Variants in GATA6 observed in about 807,000 individuals in gnomAD.
GATA6 encodes GATA binding protein 6, also known as transcription factor GATA-6.
Under a neutral mutation model 48.1 loss-of-function variants are expected in GATA6, and 11 were observed. The ratio of observed to expected loss-of-function variants is 0.23; its 90% CI spans 0.14 to 0.38. The LOEUF (loss-of-function observed/expected upper bound fraction) is 0.38, where lower values mean the gene tolerates loss of function less well. GATA6 is among the 10% of genes least tolerant of loss of function. GATA6 has a pLI of 1.00. For missense variants in GATA6, 795 were observed against 850.3 expected, an observed-to-expected ratio of 0.93 and a Z score of 0.81; for synonymous variants, 419 against 396.1, an observed-to-expected ratio of 1.06 and a Z score of -0.69.
chr18:22,171,372 C>T lies in GATA6; in HGVS notation c.228C>T (p.Arg76=), dbSNP rs2033041856. The change falls in exon 2 of 7, where the codon CGC becomes CGT. Residue 76 remains arginine (R), a synonymous_variant. Transcript: ENST00000269216. The surrounding 1 kb of genome is among the most constrained non-coding windows in gnomAD (Gnocchi z 7.1). ...DTEAAAGPPA[R]SLLLSSYASH... is the part of the protein sequence containing the mutation. Reference sequence around the variant, plus strand: ...AGGCGGCGGCCGGACCCCCGGCCCGCTCGCTGCTGCTCAGTTCCTACGCTT... The same window carrying T: ...AGGCGGCGGCCGGACCCCCGGCCCGTTCGCTGCTGCTCAGTTCCTACGCTT... 2 of 1,584,496 alleles carry T rather than the reference C, an allele frequency of 1.3e-6. No individual in the cohort carries two copies. Among genetic ancestry groups the T allele is most frequent in the African/African-American group, 1.3e-5 (1 of 74,628 alleles).
intron 2 of GATA6, among the ~76,000 whole-genome samples, chr18:22,174,121 G>A (rs2033091760): frequency 6.6e-6 from 1 of 152,248 alleles, no homozygotes; most frequent in South Asian, 2.1e-4. Flanking sequence ...AGATGGAGAG[G>A]CTGGGAATCT....
At chr18:22,178,515 CTAAT>C (rs2033155210) in intron 3 of GATA6, among the ~76,000 whole-genome samples, 1 of 152,158 alleles carries the variant, frequency 6.6e-6, no homozygotes, top group Non-Finnish European at 1.5e-5. Flanking sequence ...TTGTTATACT[CTAAT>C]TAGCAGGAAC....
chr18:22,176,740 C>T, intron 2 of GATA6: 2 of 547,154 alleles, frequency 3.7e-6, no homozygotes, highest in Non-Finnish European at 3.2e-6. Flanking sequence ...CTGGGGCGCT[C>T]CGGGTGTGCA....
chr18:22,177,239 C>G (rs1022450521), intron 3 of GATA6, 118 bp downstream of exon 3: 4 of 923,366 alleles, frequency 4.3e-6, no homozygotes, highest in Non-Finnish European at 6.2e-6. Context: ...CAGGTGCGGC[C>G]GCTGCGGTCC....
chr18:22,194,263 C>G (rs2033363316), intron 6 of GATA6, among the ~76,000 whole-genome samples: 1 of 152,212 alleles, frequency 6.6e-6, no homozygotes, highest in African/African-American at 2.4e-5. Context: ...AGTGCTAAGC[C>G]CAGGCTGGGT....
intron 6 of GATA6, among the ~76,000 whole-genome samples, chr18:22,186,620 A>T (rs2033265150): frequency 6.6e-6 from 1 of 152,132 alleles, no homozygotes; most frequent in Non-Finnish European, 1.5e-5. Context: ...ACAGGAGCTG[A>T]GTATTGTGGA....
intron 4 of GATA6, 31 bp downstream of exon 4, chr18:22,181,609 A>G: frequency 1.2e-6 from 2 of 1,613,012 alleles, no homozygotes; most frequent in Non-Finnish European, 1.7e-6. Context: ...ACTTGTATAT[A>G]CATTTAGTAT....
At chr18:22,180,074 A>C (rs760368549) in intron 3 of GATA6, 2 of 151,786 alleles carry the variant, frequency 1.3e-5, no homozygotes, top group Non-Finnish European at 2.9e-5. Flanking sequence ...GTAATTTTCA[A>C]CTTGGTTTGG....
intron 6 of GATA6, among the ~76,000 whole-genome samples, chr18:22,187,879 G>A (rs1257107319): frequency 6.6e-6 from 1 of 151,926 alleles, no homozygotes; most frequent in Non-Finnish European, 1.5e-5. Flanking sequence ...ATAAGACAAT[G>A]TCTGAGAACA....
At chr18:22,188,222 G>A (rs971210089) in intron 6 of GATA6, among the ~76,000 whole-genome samples, 1 of 152,130 alleles carries the variant, frequency 6.6e-6, no homozygotes. Flanking sequence ...TGCTTTACTG[G>A]TCTTTGTTCC....
At chr18:22,197,727 C>T (rs543771318) in intron 6 of GATA6, among the ~76,000 whole-genome samples, 2 of 152,328 alleles carry the variant, frequency 1.3e-5, no homozygotes, top group South Asian at 4.2e-4. Context: ...ACAGAGGAGG[C>T]TCAGGGGGGA....
chr18:22,176,111 A>G (rs1248109248), intron 2 of GATA6, among the ~76,000 whole-genome samples: 1 of 152,252 alleles, frequency 6.6e-6, no homozygotes, highest in Non-Finnish European at 1.5e-5. Flanking sequence ...ATAATAATAA[A>G]ATTATGTAAA....
chr18:22,191,774 T>C (rs568860552), intron 6 of GATA6, among the ~76,000 whole-genome samples: 122 of 152,358 alleles, frequency 8.0e-4, no homozygotes, highest in African/African-American at 2.9e-3. Context: ...TTTGTGAGAC[T>C]GAGCACAAAG....
In GATA6 at chr18:22,201,243, G is replaced by A. The variant is rs940471750; in HGVS notation, c.*420G>A. The A allele has an allele frequency of 4.4e-6, 1 of 227,052 alleles. No homozygotes were observed. The highest frequency in any genetic ancestry group is 2.3e-5 in the African/African-American group (1 of 44,254). The allele number at this position is 227,052 out of a possible 1,614,324, so 14.1% of individuals were successfully genotyped here. On this transcript the variant is annotated 3_prime_UTR_variant, in exon 7 of 7. Coordinates refer to ENST00000269216, the MANE Select transcript of GATA6 (RefSeq NM_005257.6). ...CATCCAGATTTCATGTGCGTTCATGGAGAAGATCACTTGAGGCCATTTGGT... is the reference window on the plus strand; with the variant it reads ...CATCCAGATTTCATGTGCGTTCATGAAGAAGATCACTTGAGGCCATTTGGT...
At chr18:22,196,160 A>G (rs2033386559) in intron 6 of GATA6, among the ~76,000 whole-genome samples, 2 of 152,226 alleles carry the variant, frequency 1.3e-5, no homozygotes, top group Non-Finnish European at 2.9e-5. Flanking sequence ...TACACATAAA[A>G]TAAGGCTACC....
chr18:22,192,149 C>A (rs1020727871), intron 6 of GATA6, among the ~76,000 whole-genome samples: 3 of 152,172 alleles, frequency 2.0e-5, no homozygotes, highest in Non-Finnish European at 4.4e-5. Flanking sequence ...AGCAGCCAGG[C>A]GCTAGCTCCA....
chr18:22,180,890 C>T (rs934433765), intron 3 of GATA6, among the ~76,000 whole-genome samples: 1 of 151,844 alleles, frequency 6.6e-6, no homozygotes, highest in Non-Finnish European at 1.5e-5. Flanking sequence ...TTGCATTTCA[C>T]GACCTAAATC....
intron 4 of GATA6, among the ~76,000 whole-genome samples, chr18:22,181,921 T>C (rs989958698): frequency 4.6e-5 from 7 of 151,028 alleles, no homozygotes; most frequent in Non-Finnish European, 3.0e-5. Context: ...GTAGTAACTG[T>C]TTTTAAAAAT....
At chr18:22,175,285 A>G (rs1012482231) in intron 2 of GATA6, among the ~76,000 whole-genome samples, 10 of 152,262 alleles carry the variant, frequency 6.6e-5, no homozygotes, top group African/African-American at 2.2e-4. Context: ...TGGACTTTTA[A>G]TTAAATTTTG....
Sources: allele counts gnomAD v4.1 joint callset (sites outside exome capture counted in the v4.1 genomes callset), GRCh38; gene constraint gnomAD v4.1.1; non-coding constraint Gnocchi (gnomAD v3.1); transcripts MANE v1.5; gene names NCBI Gene and HGNC (gene_info 2026-07-23, HGNC 2026-07-21).